The following CSMD1 variants were observed in gnomAD, a reference collection of about 807,000 sequenced individuals.
CSMD1 encodes CUB and Sushi multiple domains 1, also known as CUB and sushi domain-containing protein 1.
A neutral mutation model predicts 417.5 loss-of-function variants in CSMD1; 213 were observed. The ratio of observed to expected loss-of-function variants is 0.51; its 90% CI spans 0.46 to 0.57. The LOEUF (loss-of-function observed/expected upper bound fraction) is 0.57, where lower values mean the gene tolerates loss of function less well. Among genes scored for constraint, CSMD1 ranks in the 20% least tolerant of loss-of-function variants. CSMD1 has a pLI of 0.00. For missense variants in CSMD1, 6,923 were observed against 4,529.7 expected (o/e 1.53, Z -15.17); for synonymous variants, 2,862 against 1,736.8 (o/e 1.65, Z -16.11).
chr8:3,110,048 A>G, intron 43 of CSMD1, 110 bp downstream of exon 43: 1 of 903,076 alleles, frequency 1.1e-6, no homozygotes, highest in Non-Finnish European at 1.6e-6. Flanking sequence ...CTTCTCTAGT[A>G]TCTAAGAAGT....
intron 25 of CSMD1, among the ~76,000 whole-genome samples, chr8:3,305,456 G>A (rs976960188): frequency 1.3e-5 from 2 of 151,088 alleles, no homozygotes; most frequent in African/African-American, 2.4e-5. Context: ...TAAGGGCTGG[G>A]CCCTCATGAA....
chr8:3,393,170 C>G (rs908455667), intron 17 of CSMD1, among the ~76,000 whole-genome samples: 8 of 152,086 alleles, frequency 5.3e-5, no homozygotes, highest in Admixed American at 2.6e-4. Flanking sequence ...GGTGACAAAC[C>G]TTTGAGAGCC....
At chr8:4,647,775 A>G (rs1455859281) in intron 1 of CSMD1, among the ~76,000 whole-genome samples, 1 of 152,150 alleles carries the variant, frequency 6.6e-6, no homozygotes, top group Non-Finnish European at 1.5e-5. Flanking sequence ...ATAGTATTCC[A>G]TGGTGTGTAT....
chr8:3,523,432 G>C (rs576043595), intron 10 of CSMD1, among the ~76,000 whole-genome samples: 2 of 152,326 alleles, frequency 1.3e-5, no homozygotes, highest in South Asian at 2.1e-4. Context: ...CCTAGATGCA[G>C]AAACTGAGCC....
intron 1 of CSMD1, among the ~76,000 whole-genome samples, chr8:4,694,729 G>A (rs1490101663): frequency 6.6e-6 from 1 of 151,920 alleles, no homozygotes; most frequent in Non-Finnish European, 1.5e-5. Flanking sequence ...GTCAAGCTGT[G>A]CCCAACCACC....
At chr8:4,717,563 T>TATCTATCTATCCATCC (rs765602082) in intron 1 of CSMD1, among the ~76,000 whole-genome samples, 15 of 137,160 alleles carry the variant, frequency 1.1e-4, no homozygotes, top group African/African-American at 4.1e-4. Flanking sequence ...TCTATCTATC[T>TATCTATCTATCCATCC]ATCCATCCAT....
At chr8:3,753,145 A>C (rs1371954815) in intron 6 of CSMD1, among the ~76,000 whole-genome samples, 1 of 152,092 alleles carries the variant, frequency 6.6e-6, no homozygotes, top group Admixed American at 6.6e-5. Flanking sequence ...TGCTACCTTA[A>C]TGGGGTCAAC....
At chr8:4,178,862 A>G (rs1270751888) in intron 3 of CSMD1, among the ~76,000 whole-genome samples, 6 of 152,156 alleles carry the variant, frequency 3.9e-5, no homozygotes, top group Admixed American at 6.5e-5. Flanking sequence ...TAGAAATCCA[A>G]CTTACAAGGG....
chr8:4,408,083 G>A (rs895702790), intron 3 of CSMD1, among the ~76,000 whole-genome samples: 1 of 152,082 alleles, frequency 6.6e-6, no homozygotes. Flanking sequence ...ATATTTAAAA[G>A]CATGCTTCAC....
intron 10 of CSMD1, among the ~76,000 whole-genome samples, chr8:3,504,516 A>C (rs1241943102): frequency 6.6e-6 from 1 of 152,202 alleles, no homozygotes; most frequent in Non-Finnish European, 1.5e-5. Context: ...GCAACCCTTC[A>C]TAAAAACCTT....
intron 1 of CSMD1, among the ~76,000 whole-genome samples, chr8:4,725,509 G>A (rs1313517399): frequency 1.3e-5 from 2 of 152,142 alleles, no homozygotes; most frequent in South Asian, 4.1e-4. Context: ...AGGGCATATC[G>A]CACAGAGATT....
At chr8:4,529,954 A>G (rs1018938339) in intron 2 of CSMD1, among the ~76,000 whole-genome samples, 1 of 151,060 alleles carries the variant, frequency 6.6e-6, no homozygotes, top group Non-Finnish European at 1.5e-5. Flanking sequence ...TCGATTTGTC[A>G]CCCAGGCTGG....
chr8:4,897,772 A>G (rs1363786442), intron 1 of CSMD1, among the ~76,000 whole-genome samples: 1 of 152,150 alleles, frequency 6.6e-6, no homozygotes, highest in Non-Finnish European at 1.5e-5. Context: ...TTATTTTAAG[A>G]ATTCAAGTTA....
chr8:3,175,049 T>C (rs10089498), intron 37 of CSMD1, among the ~76,000 whole-genome samples: 2,044 of 152,302 alleles, frequency 0.013, 33 homozygotes, highest in Middle Eastern at 0.054. Context: ...AAAATAGTAG[T>C]ACTATATCAC....
chr8:3,189,069 C>A, intron 34 of CSMD1, 58 bp from the exon 35 acceptor site: 1 of 1,504,418 alleles, frequency 6.6e-7, no homozygotes, highest in Non-Finnish European at 9.0e-7. Context: ...GTTGATTTGG[C>A]ATGCAGTTTT....
chr8:3,817,857 A>G (rs1441412388), intron 5 of CSMD1, among the ~76,000 whole-genome samples: 2 of 152,112 alleles, frequency 1.3e-5, no homozygotes, highest in Non-Finnish European at 2.9e-5. Flanking sequence ...TCCAGAGCAT[A>G]CCCTTCACGG....
At chr8:4,053,979 AG>A (rs1371921705) in intron 3 of CSMD1, among the ~76,000 whole-genome samples, 1 of 152,212 alleles carries the variant, frequency 6.6e-6, no homozygotes, top group Non-Finnish European at 1.5e-5. Context: ...AAAGTATATA[AG>A]GAAGTTAAGA....
At chr8:3,818,169 G>C (rs953765391) in intron 5 of CSMD1, among the ~76,000 whole-genome samples, 6 of 151,950 alleles carry the variant, frequency 3.9e-5, no homozygotes. Flanking sequence ...GACACTCATA[G>C]GATGCCAACT....
chr8:3,830,791 A>G (rs1399067968), intron 5 of CSMD1, among the ~76,000 whole-genome samples: 1 of 152,192 alleles, frequency 6.6e-6, no homozygotes, highest in Non-Finnish European at 1.5e-5. Flanking sequence ...GCACGCCAGT[A>G]AAATGCTAAC....
Sources: gnomAD v4.1 joint callset for allele counts (sites outside exome capture counted in the v4.1 genomes callset) on GRCh38, gnomAD v4.1.1 for gene constraint, MANE v1.5 for transcripts, NCBI Gene and HGNC (gene_info 2026-07-23, HGNC 2026-07-21) for gene names.